Variants in YTHDC1 observed in about 807,000 individuals in gnomAD.
YTHDC1 encodes YTH N6-methyladenosine RNA binding protein C1, also known as YTH domain-containing protein 1.
Under a neutral mutation model 107.0 loss-of-function variants are expected in YTHDC1, and 12 were observed. That is an observed-to-expected ratio of 0.11 (90% CI 0.07 to 0.18). The LOEUF is 0.18. Among genes scored for constraint, YTHDC1 ranks in the 10% least tolerant of loss-of-function variants. The pLI is 1.00. For missense variants in YTHDC1, 635 were observed against 898.8 expected (o/e 0.71, Z 3.75); for synonymous variants, 280 against 289.5 (o/e 0.97, Z 0.33).
chr4:68,337,713 G>C lies in YTHDC1; in HGVS notation c.318C>G (p.Asn106Lys). 6.2e-7 allele frequency: 1 copy of C among 1,614,042 alleles called. No homozygotes were observed. Among genetic ancestry groups the C allele is most frequent in the African/African-American group, 1.3e-5 (1 of 75,012 alleles). Reference sequence around the variant, plus strand: ...TTTTCCGATCAGCATCTAGACGCTTGTTTCTTTCAGATCTTTGATATTCCT... The same window carrying C: ...TTTTCCGATCAGCATCTAGACGCTTCTTTCTTTCAGATCTTTGATATTCCT... ...KNEEYQRSER[N>K]KRLDADRKIR... is the part of the protein sequence containing the mutation. The change falls in exon 3 of 17, where the codon AAC (asparagine) becomes AAG (lysine). Residue 106 changes from asparagine to lysine, a missense_variant. This residue lies in a region of YTHDC1 where 294 missense variants were observed against 312.3 expected (regional missense o/e 0.94). Coordinates refer to ENST00000344157, the MANE Select transcript of YTHDC1 (RefSeq NM_001031732.4).
At chr4:68,328,696 T>C (rs1232819678) in intron 9 of YTHDC1, among the ~76,000 whole-genome samples, 1 of 152,252 alleles carries the variant, frequency 6.6e-6, no homozygotes, top group Non-Finnish European at 1.5e-5. Context: ...CATAGCTTTT[T>C]GCTACGCTAT....
Position 68,314,033 on chromosome 4 carries a change from AACAC to A in YTHDC1, c.*62_*65del. 2.0e-6 allele frequency: 3 copies of A among 1,522,288 alleles called. No homozygotes were observed. Among genetic ancestry groups the A allele is most frequent in the Non-Finnish European group, 2.7e-6 (3 of 1,111,152 alleles). 94.3% of individuals were successfully genotyped at this position (1,522,288 alleles called of 1,614,324 possible). On this transcript the variant is annotated 3_prime_UTR_variant, in exon 17 of 17. Transcript: ENST00000344157. Reference sequence around the variant, plus strand: ...GCTGAAAATAAATTTACTACTTGTAAACACACACAAAAAAAAAATACAAGATTTT... The same window carrying A: ...GCTGAAAATAAATTTACTACTTGTAAACACAAAAAAAAAATACAAGATTTT...
chr4:68,320,071 T>C, intron 12 of YTHDC1, 52 bp downstream of exon 12: 2 of 1,490,504 alleles, frequency 1.3e-6, no homozygotes, highest in South Asian at 2.5e-5. Context: ...AATTTTTTAA[T>C]TTTTTTCCAA....
intron 1 of YTHDC1, 96 bp downstream of exon 1, chr4:68,349,630 A>AGCCCCCCCCCCCCCCC: frequency 6.5e-6 from 1 of 153,366 alleles, no homozygotes. Context: ...TAACCTCCCC[A>AGCCCCCCCCCCCCCCC]ACCCCCACCC....
rs1721551111 is a variant in YTHDC1, at chr4:68,314,128, G to C, written c.2155C>G (p.Arg719Gly). The C allele has an allele frequency of 2.5e-6, 4 of 1,613,474 alleles. No individual in the cohort carries two copies. Among genetic ancestry groups the C allele is most frequent in the Non-Finnish European group, 2.5e-6 (3 of 1,179,938 alleles). ...CTTCTATATCGACCTCTCTCCCCTCGGTCTCTGTCTCGATCACATAATCGC... is the reference window on the plus strand; with the variant it reads ...CTTCTATATCGACCTCTCTCCCCTCCGTCTCTGTCTCGATCACATAATCGC... ...RERLCDRDRD[R>G]GERGRYRR The change falls in exon 17 of 17, where the codon CGA (arginine) becomes GGA (glycine). Residue 719 changes from arginine to glycine, a missense_variant. Physicochemically the swap from Arg to Gly is moderately radical, Grantham distance 125 (BLOSUM62 -2). This residue lies in a region of YTHDC1 where 256 missense variants were observed against 372.9 expected (regional missense o/e 0.69). Coordinates refer to ENST00000344157, the MANE Select transcript of YTHDC1 (RefSeq NM_001031732.4).
intron 1 of YTHDC1, among the ~76,000 whole-genome samples, chr4:68,342,869 A>T (rs557374334): frequency 6.7e-6 from 1 of 149,602 alleles, no homozygotes; most frequent in African/African-American, 2.5e-5. Context: ...TTAGATATAA[A>T]GTAATATCCA....
At chr4:68,331,087 C>A (rs930865144) in intron 7 of YTHDC1, among the ~76,000 whole-genome samples, 3 of 152,058 alleles carry the variant, frequency 2.0e-5, no homozygotes, top group Non-Finnish European at 4.4e-5. Context: ...ACAGTATTTG[C>A]GTATAACCCA....
intron 1 of YTHDC1, among the ~76,000 whole-genome samples, chr4:68,349,039 T>C (rs767778863): frequency 6.6e-6 from 1 of 152,208 alleles, no homozygotes; most frequent in Non-Finnish European, 1.5e-5. Flanking sequence ...GTAACTTGCA[T>C]TCATTTGTTT....
chr4:68,316,543 A>C, intron 15 of YTHDC1, 95 bp from the exon 16 acceptor site: 8 of 1,440,034 alleles, frequency 5.6e-6, no homozygotes, highest in Non-Finnish European at 7.5e-6. Flanking sequence ...AATCCCAAAC[A>C]AGTGAATCTG....
intron 1 of YTHDC1, among the ~76,000 whole-genome samples, chr4:68,346,257 A>T (rs765102897): frequency 2.0e-5 from 3 of 151,826 alleles, no homozygotes; most frequent in Admixed American, 2.0e-4. Context: ...CTCTACTAAA[A>T]ATAAAAAATT....
chr4:68,339,407 T>C lies in YTHDC1; in HGVS notation c.29-1023A>G, dbSNP rs144604061. On this transcript the variant is annotated intron_variant, in intron 1 of 16. Coordinates refer to ENST00000344157, the MANE Select transcript of YTHDC1 (RefSeq NM_001031732.4). Reference sequence around the variant, plus strand: ...TGATAACTGAACACAGCCCACAATATTGGACATAATTGGAAAAACTGGTGA... The same window carrying C: ...TGATAACTGAACACAGCCCACAATACTGGACATAATTGGAAAAACTGGTGA... 2.8e-3 allele frequency among the ~76,000 whole-genome samples: 432 copies of C among 152,318 alleles called. 3 individuals are homozygous for C. The highest frequency in any genetic ancestry group is 9.8e-3 in the African/African-American group (408 of 41,572).
chr4:68,344,218 A>C (rs1022071905), intron 1 of YTHDC1: 1 of 152,118 alleles, frequency 6.6e-6, no homozygotes, highest in Non-Finnish European at 1.5e-5. Context: ...TAAAAAAAAA[A>C]AAAAACAAAC....
At chr4:68,333,184 C>G in intron 5 of YTHDC1, 124 bp downstream of exon 5, 1 of 701,730 alleles carries the variant, frequency 1.4e-6, no homozygotes, top group Non-Finnish European at 2.4e-6. Flanking sequence ...AATTATTACA[C>G]TGAACATGCC....
chr4:68,319,166 G>A (rs1016576557), intron 12 of YTHDC1, among the ~76,000 whole-genome samples: 1 of 152,050 alleles, frequency 6.6e-6, no homozygotes, highest in South Asian at 2.1e-4. Flanking sequence ...GGAAGGTAAG[G>A]GCAGAGGAAC....
chr4:68,311,600 G>A lies in YTHDC1; in HGVS notation c.*2499C>T, dbSNP rs575285455. 1 of 152,162 alleles carries A rather than the reference G, an allele frequency of 6.6e-6. No individual in the cohort carries two copies. The highest frequency in any genetic ancestry group is 1.5e-5 in the Non-Finnish European group (1 of 68,000). The allele number at this position is 152,162 out of a possible 1,614,324, so 9.4% of individuals were successfully genotyped here. On this transcript the variant is annotated 3_prime_UTR_variant, in exon 17 of 17. Transcript: ENST00000344157. Reference sequence around the variant, plus strand: ...TTTTATATACTGACTCTTCTGTACAGAAAAAAATCTTGCATTTTTTATACA... The same window carrying A: ...TTTTATATACTGACTCTTCTGTACAAAAAAAAATCTTGCATTTTTTATACA...
chr4:68,333,191 T>G (rs1723782090), intron 5 of YTHDC1, 117 bp downstream of exon 5: 2 of 728,084 alleles, frequency 2.7e-6, no homozygotes, highest in Non-Finnish European at 4.6e-6. Flanking sequence ...ACACTGAACA[T>G]GCCAAAAATC....
intron 7 of YTHDC1, 42 bp downstream of exon 7, chr4:68,332,061 A>C (rs756058222): frequency 7.5e-7 from 1 of 1,326,548 alleles, no homozygotes; most frequent in African/African-American, 1.5e-5. Context: ...CCATTTAAAA[A>C]TTTTGATATT....
In YTHDC1 at chr4:68,332,664, A is replaced by G. The variant is rs527381378; in HGVS notation, c.1027+130T>C. ...CAGACACAGAGCTTTCTATGTTAAGATATTATTTTTTGCTTCATGTAATAT... is the reference window on the plus strand; with the variant it reads ...CAGACACAGAGCTTTCTATGTTAAGGTATTATTTTTTGCTTCATGTAATAT... On this transcript the variant is annotated intron_variant, in intron 6 of 16. Transcript: ENST00000344157. 128 of 732,912 alleles carry G rather than the reference A, an allele frequency of 1.7e-4. 2 individuals carry two copies. In the South Asian group the frequency reaches 2.4e-3, roughly 14 times the overall value. 45.4% of individuals were successfully genotyped at this position (732,912 alleles called of 1,614,324 possible). A position where few individuals can be genotyped will look rare whatever the true frequency, so the allele number is the denominator to read the frequency against.
intron 1 of YTHDC1, among the ~76,000 whole-genome samples, chr4:68,345,985 C>T (rs949641508): frequency 2.0e-5 from 3 of 151,756 alleles, no homozygotes; most frequent in South Asian, 2.1e-4. Context: ...ACAACAAAAC[C>T]GCCTAACAAT....
Sources: allele counts gnomAD v4.1 joint callset (sites outside exome capture counted in the v4.1 genomes callset), GRCh38; gene constraint gnomAD v4.1.1; regional missense constraint gnomAD v4.1.1; transcripts MANE v1.5; gene names NCBI Gene and HGNC (gene_info 2026-07-23, HGNC 2026-07-21).